Variants in WWOX observed in about 807,000 individuals in gnomAD.
WWOX encodes WW domain containing oxidoreductase.
WWOX carries 69 observed loss-of-function variants against 46.2 expected under a neutral mutation model. The ratio of observed to expected loss-of-function variants is 1.49; its 90% CI spans 1.23 to 1.82. The LOEUF (loss-of-function observed/expected upper bound fraction) is 1.82. WWOX is among the 40% of genes most tolerant of loss of function. The probability of loss-of-function intolerance (pLI) is 0.00; values close to 1 mark genes in which losing one functional copy is unlikely to be tolerated. For synonymous variants in WWOX, 359 were observed against 202.6 expected, an observed-to-expected ratio of 1.77 and a Z score of -6.56; for missense variants, 919 against 542.6, an observed-to-expected ratio of 1.69 and a Z score of -6.89.
intron 6 of WWOX, among the ~76,000 whole-genome samples, chr16:78,417,245 TC>T (rs2082819316): frequency 6.6e-6 from 1 of 152,036 alleles, no homozygotes; most frequent in Admixed American, 6.5e-5. Context: ...TTTATTTTTT[TC>T]TTTTTAGTTT....
chr16:78,725,953 T>A (rs1285217146), intron 8 of WWOX, among the ~76,000 whole-genome samples: 1 of 151,750 alleles, frequency 6.6e-6, no homozygotes, highest in African/African-American at 2.4e-5. Flanking sequence ...CTCTTCCCTT[T>A]TCCTTTCTTT....
intron 8 of WWOX, among the ~76,000 whole-genome samples, chr16:78,548,552 C>G (rs1026226362): frequency 6.6e-5 from 10 of 152,120 alleles, no homozygotes; most frequent in African/African-American, 7.2e-5. Context: ...TTGGATGAAT[C>G]ATATTTTTAA....
chr16:79,097,273 T>G (rs1266575295), intron 8 of WWOX, among the ~76,000 whole-genome samples: 1 of 151,964 alleles, frequency 6.6e-6, no homozygotes, highest in Non-Finnish European at 1.5e-5. Flanking sequence ...CCTAGCTGTT[T>G]CCTTAGGCAT....
intron 8 of WWOX, among the ~76,000 whole-genome samples, chr16:78,532,775 G>A: frequency 6.6e-6 from 1 of 151,980 alleles, no homozygotes. Context: ...ATTTGCTATT[G>A]TGAGAACACC....
intron 8 of WWOX, among the ~76,000 whole-genome samples, chr16:79,134,803 G>C (rs2049951839): frequency 6.6e-6 from 1 of 152,168 alleles, no homozygotes; most frequent in Admixed American, 6.5e-5. Flanking sequence ...CCAGTTGCCT[G>C]TTTCTTTTCA....
At chr16:79,170,923 A>C (rs529310070) in intron 8 of WWOX, among the ~76,000 whole-genome samples, 3 of 152,336 alleles carry the variant, frequency 2.0e-5, no homozygotes, top group East Asian at 1.9e-4. Flanking sequence ...CCTTGCCTAC[A>C]AATTTTTAAT....
chr16:78,760,338 C>G (rs1375659695), intron 8 of WWOX, among the ~76,000 whole-genome samples: 1 of 152,160 alleles, frequency 6.6e-6, no homozygotes, highest in African/African-American at 2.4e-5. Context: ...ATTATGGGAG[C>G]TACAATTCAA....
intron 5 of WWOX, among the ~76,000 whole-genome samples, chr16:78,218,664 G>A (rs1213985144): frequency 6.6e-6 from 1 of 152,190 alleles, no homozygotes; most frequent in African/African-American, 2.4e-5. Context: ...TTTATGATGT[G>A]TAGCGTGGTC....
At chr16:78,140,336 T>A (rs72803000) in intron 4 of WWOX, among the ~76,000 whole-genome samples, 21,042 of 152,154 alleles carry the variant, frequency 0.14, 1,607 homozygotes, top group Admixed American at 0.2. Context: ...CCCAGTTTGA[T>A]GAATTCTGGG....
intron 8 of WWOX, among the ~76,000 whole-genome samples, chr16:78,580,084 T>C (rs1386604352): frequency 6.6e-6 from 1 of 151,876 alleles, no homozygotes; most frequent in Admixed American, 6.6e-5. Flanking sequence ...AATTTTTTTT[T>C]TTTTTTTGAG....
intron 8 of WWOX, among the ~76,000 whole-genome samples, chr16:78,448,939 G>T (rs957890348): frequency 1.3e-5 from 2 of 152,148 alleles, no homozygotes; most frequent in African/African-American, 4.8e-5. Flanking sequence ...CGGCTATCTT[G>T]CTTCTAACAA....
At chr16:78,785,688 A>G (rs927838422) in intron 8 of WWOX, among the ~76,000 whole-genome samples, 17 of 152,240 alleles carry the variant, frequency 1.1e-4, no homozygotes, top group Non-Finnish European at 1.6e-4. Flanking sequence ...AAATTGCAGT[A>G]TGTAGCTGTG....
chr16:79,194,447 A>T (rs1041219816), intron 8 of WWOX, among the ~76,000 whole-genome samples: 2 of 152,172 alleles, frequency 1.3e-5, no homozygotes, highest in African/African-American at 4.8e-5. Context: ...GACTGTGAAG[A>T]TGAAGAAAGG....
At chr16:79,019,492 A>G (rs2047488291) in intron 8 of WWOX, among the ~76,000 whole-genome samples, 2 of 152,094 alleles carry the variant, frequency 1.3e-5, no homozygotes, top group African/African-American at 4.8e-5. Flanking sequence ...TGATATTATA[A>G]TCTTTGGGAC....
chr16:78,538,462 A>G (rs2043812466), intron 8 of WWOX, among the ~76,000 whole-genome samples: 1 of 152,156 alleles, frequency 6.6e-6, no homozygotes, highest in African/African-American at 2.4e-5. Context: ...TCCCACTGTA[A>G]TGAAGATGGA....
intron 8 of WWOX, among the ~76,000 whole-genome samples, chr16:79,006,998 A>G (rs1259732620): frequency 6.6e-6 from 1 of 152,146 alleles, no homozygotes; most frequent in East Asian, 1.9e-4. Context: ...CGCGTAACCT[A>G]ACATATTCAC....
At chr16:78,828,448 T>C (rs1278977684) in intron 8 of WWOX, among the ~76,000 whole-genome samples, 4 of 152,130 alleles carry the variant, frequency 2.6e-5, no homozygotes, top group Admixed American at 2.6e-4. Flanking sequence ...AGTGTTACTG[T>C]TCCCTGCCAT....
intron 5 of WWOX, among the ~76,000 whole-genome samples, chr16:78,184,012 C>T (rs755394811): frequency 4.6e-5 from 7 of 152,120 alleles, no homozygotes; most frequent in African/African-American, 9.7e-5. Context: ...ATCAAGGGCT[C>T]AATTGCAGCT....
At chr16:78,905,821 C>G (rs1285865455) in intron 8 of WWOX, among the ~76,000 whole-genome samples, 2 of 152,278 alleles carry the variant, frequency 1.3e-5, no homozygotes, top group East Asian at 3.9e-4. Context: ...AAGGGGGAAT[C>G]TGGATTTCAA....
Sources: gnomAD v4.1 joint callset for allele counts (sites outside exome capture counted in the v4.1 genomes callset) on GRCh38, gnomAD v4.1.1 for gene constraint, MANE v1.5 for transcripts, NCBI Gene and HGNC (gene_info 2026-07-23, HGNC 2026-07-21) for gene names.